Variants in ADRA1B observed in about 807,000 individuals in gnomAD.
ADRA1B encodes alpha-1B adrenergic receptor.
In ADRA1B, 17 loss-of-function variants were observed where a neutral mutation model predicts 17.9. That is an observed-to-expected ratio of 0.95 (90% CI 0.65 to 1.42). The LOEUF (loss-of-function observed/expected upper bound fraction) is 1.42. ADRA1B is among the 40% of genes most tolerant of loss of function. The pLI, the probability that ADRA1B is intolerant of heterozygous loss-of-function variation, is 0.00. For missense variants in ADRA1B, 681 were observed against 722.1 expected (o/e 0.94, Z 0.65); for synonymous variants, 366 against 327.6 (o/e 1.12, Z -1.27).
chr5:159,866,512 G>A (rs532009033), intron 1 of ADRA1B, among the ~76,000 whole-genome samples: 2 of 151,552 alleles, frequency 1.3e-5, no homozygotes, highest in Non-Finnish European at 2.9e-5. Flanking sequence ...ACTGGAACCC[G>A]GGAGGCGGAG....
chr5:159,978,876 G>A, the ADRA1B span, among the ~76,000 whole-genome samples: 14 of 152,264 alleles, frequency 9.2e-5, no homozygotes, highest in East Asian at 1.5e-3. Flanking sequence ...AATCAAGCAC[G>A]GACACCCGTA....
intron 1 of ADRA1B, among the ~76,000 whole-genome samples, chr5:159,896,563 G>A (rs1754043224): frequency 6.6e-6 from 1 of 152,198 alleles, no homozygotes; most frequent in African/African-American, 2.4e-5. Flanking sequence ...CTACTGTTTA[G>A]TGAATGTGGG....
intron 1 of ADRA1B, among the ~76,000 whole-genome samples, chr5:159,944,152 GT>G (rs200976272): frequency 2.0e-5 from 3 of 151,978 alleles, no homozygotes; most frequent in South Asian, 2.1e-4. Context: ...TTCATGCAGA[GT>G]TTTTTTTGTT....
chr5:159,984,753 A>G, the ADRA1B span, among the ~76,000 whole-genome samples: 1 of 151,972 alleles, frequency 6.6e-6, no homozygotes, highest in East Asian at 1.9e-4. Context: ...CAAAAAAAAA[A>G]AAAAAATTAG....
intron 1 of ADRA1B, among the ~76,000 whole-genome samples, chr5:159,952,959 G>T (rs1755474055): frequency 6.6e-6 from 1 of 152,166 alleles, no homozygotes; most frequent in Non-Finnish European, 1.5e-5. Context: ...AAACACACTT[G>T]CCCTGTTGCA....
At chr5:159,905,232 T>A (rs1754149164) in intron 1 of ADRA1B, among the ~76,000 whole-genome samples, 1 of 152,072 alleles carries the variant, frequency 6.6e-6, no homozygotes, top group Non-Finnish European at 1.5e-5. Context: ...GGAGAATAGG[T>A]TTCTAACACA....
chr5:159,950,592 G>C (rs2113259122), intron 1 of ADRA1B: 1 of 1,087,828 alleles, frequency 9.2e-7, no homozygotes, highest in East Asian at 2.4e-5. Flanking sequence ...AATGGTCTTT[G>C]AGGGCAATGC....
At chr5:159,961,872 G>A (rs1021985256) in intron 1 of ADRA1B, among the ~76,000 whole-genome samples, 1 of 152,166 alleles carries the variant, frequency 6.6e-6, no homozygotes, top group Non-Finnish European at 1.5e-5. Flanking sequence ...AGGTCCCCAC[G>A]CCACACTGCA....
downstream of ADRA1B, among the ~76,000 whole-genome samples, chr5:159,974,603 T>C (rs1397950742): frequency 6.9e-6 from 1 of 145,170 alleles, no homozygotes; most frequent in Non-Finnish European, 1.5e-5. Flanking sequence ...ACCATTGCAC[T>C]CCAGCCTGGG....
chr5:159,961,546 G>A (rs1755664924), intron 1 of ADRA1B, among the ~76,000 whole-genome samples: 1 of 152,198 alleles, frequency 6.6e-6, no homozygotes, highest in Non-Finnish European at 1.5e-5. Context: ...GACAGAAGCA[G>A]CATATTATTG....
chr5:159,900,644 G>C (rs769430559), intron 1 of ADRA1B, among the ~76,000 whole-genome samples: 2 of 152,196 alleles, frequency 1.3e-5, no homozygotes, highest in Non-Finnish European at 2.9e-5. Flanking sequence ...CCCTGAGGGA[G>C]AGAGAGAGTC....
At chr5:159,866,986 A>G (rs1335563575) in intron 1 of ADRA1B, 3 of 152,346 alleles carry the variant, frequency 2.0e-5, no homozygotes, top group Middle Eastern at 3.4e-3. Flanking sequence ...AAGTATTCCC[A>G]TAGATCTACT....
In ADRA1B at chr5:159,957,082, G is replaced by C. The variant is rs866414613; in HGVS notation, c.950-14797G>C. Among the ~76,000 whole-genome samples the C allele has an allele frequency of 2.6e-4, 39 of 152,076 alleles. 1 individual carries two copies. Among genetic ancestry groups the C allele is most frequent in the Admixed American group, 9.2e-4 (14 of 15,278 alleles). ...AGATGGGGTTTCACCATGTTGGCCA[G>C]GCTGGACTCGAACTCCTGACCTCAA... On this transcript the variant is annotated intron_variant, in intron 1 of 1. Coordinates refer to ENST00000306675, the MANE Select transcript of ADRA1B (RefSeq NM_000679.4).
intron 1 of ADRA1B, among the ~76,000 whole-genome samples, chr5:159,940,008 C>G (rs189425507): frequency 1.3e-5 from 2 of 152,316 alleles, no homozygotes; most frequent in South Asian, 2.1e-4. Context: ...TCCCGGGAGA[C>G]TGGGTCTCAC....
At chr5:159,923,125 C>G (rs1316652268) in intron 1 of ADRA1B, among the ~76,000 whole-genome samples, 1 of 152,262 alleles carries the variant, frequency 6.6e-6, no homozygotes, top group East Asian at 1.9e-4. Flanking sequence ...GGAGAACTAA[C>G]AGAGCCCAGA....
chr5:159,875,929 C>T (rs1753797031), intron 1 of ADRA1B, among the ~76,000 whole-genome samples: 1 of 152,184 alleles, frequency 6.6e-6, no homozygotes, highest in African/African-American at 2.4e-5. Context: ...TGGCTCACGC[C>T]CGTAATCCCA....
At chr5:159,872,749 C>T (rs1753760543) in intron 1 of ADRA1B, among the ~76,000 whole-genome samples, 1 of 152,066 alleles carries the variant, frequency 6.6e-6, no homozygotes, top group South Asian at 2.1e-4. Flanking sequence ...ATAAAACCTT[C>T]CTTGGATTCA....
chr5:159,875,517 T>C (rs181982995), intron 1 of ADRA1B, among the ~76,000 whole-genome samples: 59 of 152,310 alleles, frequency 3.9e-4, no homozygotes, highest in Admixed American at 1.3e-3. Flanking sequence ...ATACAGTATC[T>C]TACTTTAAAA....
chr5:159,933,680 T>A (rs190387518), intron 1 of ADRA1B, among the ~76,000 whole-genome samples: 4 of 152,360 alleles, frequency 2.6e-5, no homozygotes, highest in African/African-American at 7.2e-5. Flanking sequence ...AATGTGTGTA[T>A]TTTATCCAGG....
Sources: allele counts gnomAD v4.1 joint callset (sites outside exome capture counted in the v4.1 genomes callset), GRCh38; gene constraint gnomAD v4.1.1; transcripts MANE v1.5; gene names NCBI Gene and HGNC (gene_info 2026-07-23, HGNC 2026-07-21).